Variants in EDA observed in about 807,000 individuals in gnomAD.
EDA encodes the protein ectodysplasin-A.
A neutral mutation model predicts 23.6 loss-of-function variants in EDA; 2 were observed. The observed-to-expected ratio is 0.08, with a 90% CI of 0.03 to 0.27. The LOEUF (loss-of-function observed/expected upper bound fraction) is 0.27. Ranked by LOEUF, EDA falls within the 10% of genes least tolerant of loss-of-function variation. EDA has a pLI of 1.00. For missense variants in EDA, 229 were observed against 324.2 expected, an observed-to-expected ratio of 0.71 and a Z score of 2.26; for synonymous variants, 131 against 132.0, an observed-to-expected ratio of 0.99 and a Z score of 0.05.
At chrX:69,992,907 A>G (rs771826815) in intron 2 of EDA, among the ~76,000 whole-genome samples, 128 of 112,098 alleles carry the variant, frequency 1.1e-3, no homozygotes, top group African/African-American at 3.8e-3. Context: ...ATATTCTTCA[A>G]TATGTTTTCA....
At chrX:69,654,370 A>C (rs1331347347) in intron 1 of EDA, among the ~76,000 whole-genome samples, 1 of 111,533 alleles carries the variant, frequency 9.0e-6, no homozygotes, top group East Asian at 2.8e-4. Flanking sequence ...TAGTTCAACC[A>C]TTGTGGAAGT....
At chrX:69,678,145 T>C (rs1197160953) in intron 1 of EDA, among the ~76,000 whole-genome samples, 2 of 111,185 alleles carry the variant, frequency 1.8e-5, no homozygotes, top group Non-Finnish European at 3.8e-5. Context: ...TATGCGACGT[T>C]ATTCCTGAGG....
At chrX:69,966,004 G>T (rs751973639) in intron 2 of EDA, among the ~76,000 whole-genome samples, 13 of 111,556 alleles carry the variant, frequency 1.2e-4, no homozygotes, top group Admixed American at 2.9e-4. Context: ...CTATGATTGA[G>T]CCTCTGCTCT....
chrX:69,973,799 A>T (rs1179119534), intron 2 of EDA, among the ~76,000 whole-genome samples: 1 of 111,733 alleles, frequency 8.9e-6, no homozygotes, highest in African/African-American at 3.2e-5. Context: ...AACAGTTATG[A>T]ATATGAGTGA....
intron 4 of EDA, 67 bp downstream of exon 4, chrX:70,028,103 G>A: frequency 8.6e-7 from 1 of 1,166,594 alleles, no homozygotes; most frequent in Admixed American, 2.5e-5. Context: ...AGGAGTGGGT[G>A]ATCCTGAGAG....
chrX:69,618,186 G>T (rs1932049781), intron 1 of EDA, among the ~76,000 whole-genome samples: 1 of 112,022 alleles, frequency 8.9e-6, no homozygotes, highest in Admixed American at 9.4e-5. Flanking sequence ...AAAGATGAAA[G>T]AATTAAACTT....
chrX:69,945,688 G>T (rs1353684087), intron 1 of EDA, among the ~76,000 whole-genome samples: 4 of 111,411 alleles, frequency 3.6e-5, no homozygotes, highest in Non-Finnish European at 7.5e-5. Context: ...TTTTGAGTGG[G>T]TTGCTCCATT....
chrX:69,699,105 A>G (rs2011458873), intron 1 of EDA, among the ~76,000 whole-genome samples: 1 of 111,250 alleles, frequency 9.0e-6, no homozygotes, highest in African/African-American at 3.3e-5. Context: ...GGTGACACTC[A>G]GTGGCAGATA....
chrX:69,619,064 T>TG (rs1024031193), intron 1 of EDA, among the ~76,000 whole-genome samples: 10 of 112,389 alleles, frequency 8.9e-5, no homozygotes, highest in African/African-American at 3.2e-4. Context: ...TACATTGTGC[T>TG]GACAGATTCT....
At chrX:69,796,795 A>G (rs2015554727) in intron 1 of EDA, among the ~76,000 whole-genome samples, 1 of 111,932 alleles carries the variant, frequency 8.9e-6, no homozygotes, top group Non-Finnish European at 1.9e-5. Context: ...TGAGTGAGAT[A>G]CAAGAGAATA....
intron 1 of EDA, among the ~76,000 whole-genome samples, chrX:69,938,489 C>T (rs190470244): frequency 2.0e-3 from 218 of 111,467 alleles, no homozygotes; most frequent in African/African-American, 6.5e-3. Flanking sequence ...GGTTTGAGCT[C>T]CTTATATATT....
chrX:69,862,176 G>A (rs769680995), intron 1 of EDA, among the ~76,000 whole-genome samples: 24 of 110,851 alleles, frequency 2.2e-4, no homozygotes, highest in African/African-American at 3.9e-4. Flanking sequence ...ATAGCTATTC[G>A]CAGGAGTCCT....
At chrX:69,710,533 C>A (rs780863537) in intron 1 of EDA, among the ~76,000 whole-genome samples, 34 of 111,653 alleles carry the variant, frequency 3.0e-4, no homozygotes, top group African/African-American at 1.0e-3. Context: ...TGAAGAGAGT[C>A]ATTGGTAAAT....
intron 1 of EDA, among the ~76,000 whole-genome samples, chrX:69,883,848 G>C (rs954774942): frequency 5.4e-5 from 6 of 110,865 alleles, no homozygotes; most frequent in Non-Finnish European, 1.1e-4. Flanking sequence ...TGTAATCCCA[G>C]CATTTTGGGA....
chrX:69,977,115 G>A (rs2019328889), intron 2 of EDA, among the ~76,000 whole-genome samples: 2 of 111,832 alleles, frequency 1.8e-5, no homozygotes, highest in South Asian at 7.4e-4. Flanking sequence ...TTCCTGCACT[G>A]GTTGAGACCT....
intron 1 of EDA, among the ~76,000 whole-genome samples, chrX:69,776,437 A>G (rs1602393256): frequency 9.0e-6 from 1 of 111,403 alleles, no homozygotes; most frequent in East Asian, 2.8e-4. Flanking sequence ...GGTTTTATAA[A>G]TGGAAGTTCC....
At chrX:69,756,832 C>A (rs2014137811) in intron 1 of EDA, 2 of 111,687 alleles carry the variant, frequency 1.8e-5, no homozygotes, top group Admixed American at 1.9e-4. Context: ...TCCATACCAG[C>A]TAGTTTATAA....
intron 1 of EDA, among the ~76,000 whole-genome samples, chrX:69,677,329 T>C (rs1301824983): frequency 2.7e-5 from 3 of 110,384 alleles, no homozygotes; most frequent in African/African-American, 9.9e-5. Flanking sequence ...TTTATAGTCC[T>C]TTGGGTATAT....
intron 1 of EDA, among the ~76,000 whole-genome samples, chrX:69,908,256 T>C (rs2018207939): frequency 9.0e-6 from 1 of 111,133 alleles, no homozygotes; most frequent in African/African-American, 3.3e-5. Flanking sequence ...GGGCAAGACA[T>C]CATAAAATAG....
Sources: gnomAD v4.1 joint callset for allele counts (sites outside exome capture counted in the v4.1 genomes callset) on GRCh38, gnomAD v4.1.1 for gene constraint, MANE v1.5 for transcripts, NCBI Gene and HGNC (gene_info 2026-07-23, HGNC 2026-07-21) for gene names.